The following SNX4 variants were observed in gnomAD, a reference collection of about 807,000 sequenced individuals.
SNX4 encodes sorting nexin-4.
A neutral mutation model predicts 70.8 loss-of-function variants in SNX4; 49 were observed. The ratio of observed to expected loss-of-function variants is 0.69; its 90% CI spans 0.55 to 0.88. The LOEUF (loss-of-function observed/expected upper bound fraction) is 0.88. Among genes scored for constraint, SNX4 ranks in the 40% least tolerant of loss-of-function variants. The pLI, the probability that SNX4 is intolerant of heterozygous loss-of-function variation, is 0.00. For synonymous variants in SNX4, 206 were observed against 183.8 expected, an observed-to-expected ratio of 1.12 and a Z score of -0.98; for missense variants, 528 against 544.8, an observed-to-expected ratio of 0.97 and a Z score of 0.31.
intron 1 of SNX4, among the ~76,000 whole-genome samples, chr3:125,507,844 C>T (rs1460655758): frequency 1.3e-5 from 2 of 151,922 alleles, no homozygotes; most frequent in East Asian, 1.9e-4. Context: ...ACCCAAGAGG[C>T]GGAGGTTGCA....
At chr3:125,482,439 T>A (rs1291775785) in intron 6 of SNX4, among the ~76,000 whole-genome samples, 2 of 152,100 alleles carry the variant, frequency 1.3e-5, no homozygotes, top group Non-Finnish European at 2.9e-5. Flanking sequence ...TTCTACCTCC[T>A]AAACATTGCC....
chr3:125,510,242 T>C (rs1935140925), intron 1 of SNX4, among the ~76,000 whole-genome samples: 1 of 152,010 alleles, frequency 6.6e-6, no homozygotes, highest in Non-Finnish European at 1.5e-5. Flanking sequence ...GGATTTTTTT[T>C]TTTTTTTTGA....
chr3:125,457,489 C>T, intron 10 of SNX4, 124 bp from the exon 11 acceptor site: 1 of 593,020 alleles, frequency 1.7e-6, no homozygotes, highest in Non-Finnish European at 3.0e-6. Context: ...CCAGAATTTT[C>T]AAGTTTAAAA....
At chr3:125,506,707 C>T (rs542312709) in intron 1 of SNX4, among the ~76,000 whole-genome samples, 1 of 151,096 alleles carries the variant, frequency 6.6e-6, no homozygotes, top group South Asian at 2.1e-4. Context: ...CTGCCTCAGC[C>T]TTCCAAGCTG....
At chr3:125,458,831 A>G (rs1364500350) in intron 10 of SNX4, among the ~76,000 whole-genome samples, 2 of 133,054 alleles carry the variant, frequency 1.5e-5, no homozygotes, top group East Asian at 4.1e-4. Flanking sequence ...AAAAAAAAAA[A>G]AAAAAAAAAA....
chr3:125,500,207 T>C (rs1335144004), intron 2 of SNX4, among the ~76,000 whole-genome samples: 1 of 152,186 alleles, frequency 6.6e-6, no homozygotes, highest in Non-Finnish European at 1.5e-5. Context: ...TATTCAATAG[T>C]ACCTAAATGG....
intron 6 of SNX4, among the ~76,000 whole-genome samples, chr3:125,481,441 T>C (rs1037610821): frequency 6.3e-4 from 93 of 148,364 alleles, no homozygotes; most frequent in African/African-American, 2.2e-3. Context: ...AAAAAATTCC[T>C]GAAATCTTTT....
At chr3:125,475,654 C>T (rs1934274263) in intron 8 of SNX4, among the ~76,000 whole-genome samples, 3 of 152,184 alleles carry the variant, frequency 2.0e-5, no homozygotes, top group Admixed American at 2.0e-4. Flanking sequence ...CATGAGCCAC[C>T]ACGCCTGGCT....
intron 2 of SNX4, among the ~76,000 whole-genome samples, chr3:125,502,373 TTCTC>T (rs1934947673): frequency 2.0e-5 from 3 of 152,000 alleles, no homozygotes; most frequent in African/African-American, 7.2e-5. Flanking sequence ...GAAGATTCTT[TTCTC>T]TCTTTTTCTT....
At chr3:125,519,805 C>T (rs901298126) in intron 1 of SNX4, among the ~76,000 whole-genome samples, 1 of 152,116 alleles carries the variant, frequency 6.6e-6, no homozygotes, top group Non-Finnish European at 1.5e-5. Flanking sequence ...TTCCCTCAGT[C>T]ACCCGCAGCG....
chr3:125,486,318 T>C (rs1934529197), intron 6 of SNX4, among the ~76,000 whole-genome samples: 1 of 152,188 alleles, frequency 6.6e-6, no homozygotes, highest in African/African-American at 2.4e-5. Context: ...ACTGGTTTTC[T>C]TTTAAAAGAA....
At chr3:125,489,532 T>C in intron 5 of SNX4, 69 bp from the exon 6 acceptor site, 1 of 1,269,646 alleles carries the variant, frequency 7.9e-7, no homozygotes, top group Admixed American at 1.8e-5. Context: ...AATTTTACTT[T>C]CCCTTTAGAA....
rs550625007 is a variant in SNX4, at chr3:125,486,879, C to T, written c.653+2529G>A. ...CAGCCTGAGCAACACAGTGAGACTG[C>T]ATCTCAAAAATATATATATATGTGT... On this transcript the variant is annotated intron_variant, in intron 6 of 13. Transcript: ENST00000251775. Among the ~76,000 whole-genome samples, 4 of 152,148 alleles carry T rather than the reference C, an allele frequency of 2.6e-5. No homozygotes were observed. The East Asian group carries it at 7.7e-4, about 29-fold the overall frequency.
chr3:125,452,223 T>C (rs894411628), intron 12 of SNX4, among the ~76,000 whole-genome samples: 1 of 151,234 alleles, frequency 6.6e-6, no homozygotes, highest in East Asian at 2.0e-4. Context: ...GTCTCCAGAG[T>C]AGCTGGGATT....
intron 1 of SNX4, among the ~76,000 whole-genome samples, chr3:125,517,329 A>G (rs1169335070): frequency 6.6e-6 from 1 of 152,196 alleles, no homozygotes; most frequent in Non-Finnish European, 1.5e-5. Context: ...ATTGGAAGTA[A>G]TTTTGGGAAT....
chr3:125,519,978 G>GCCCC, intron 1 of SNX4, 54 bp downstream of exon 1: 17 of 502,818 alleles, frequency 3.4e-5, no homozygotes, highest in Non-Finnish European at 4.9e-5. Context: ...AGCCCAGCCC[G>GCCCC]GCCCGCTAGG....
In SNX4 at chr3:125,453,922, T is replaced by C; in HGVS notation, c.1078A>G (p.Thr360Ala). The change falls in exon 12 of 14, where the codon ACC becomes GCC. Residue 360 changes from threonine (T) to alanine (A), a missense_variant. Around this residue, in one of 3 missense-constraint regions of SNX4, gnomAD observed 159 missense variants for 172.6 expected, o/e 0.92. Transcript: ENST00000251775. ...VRTFSLKGMT[T>A]KLFGQETPEQ... ...GGAGTTTCTTGACCAAAGAGCTTGG[T>C]AGTCATTCCCTTCAAAGAGAATGTT... 2 of 1,613,862 alleles carry C rather than the reference T, an allele frequency of 1.2e-6. No homozygotes were observed. The highest frequency in any genetic ancestry group is 1.1e-5 in the South Asian group (1 of 90,990).
chr3:125,451,061 T>C (rs571307727), intron 13 of SNX4, among the ~76,000 whole-genome samples: 10 of 152,104 alleles, frequency 6.6e-5, no homozygotes, highest in Middle Eastern at 3.4e-3. Context: ...AGGCCAGGAG[T>C]TCGAGACCAG....
rs56250407 is a variant in SNX4 at position 125,469,631 on chromosome 3, C to T, written c.789-112G>A. On this transcript the variant is annotated intron_variant, in intron 8 of 13. Transcript: ENST00000251775. ...GCTAGCTTTAAAATAATGTATAGCA[C>T]CCGTATTTGGGTTTATTTTGTATAA... The T allele has an allele frequency of 2.6e-3, 1,865 of 720,956 alleles. 13 individuals carry two copies. The highest frequency in any genetic ancestry group is 0.019 in the African/African-American group (1,057 of 55,980). The allele number at this position is 720,956 out of a possible 1,614,324, so 44.7% of individuals were successfully genotyped here. A position where few individuals can be genotyped will look rare whatever the true frequency, so the allele number is the denominator to read the frequency against.
Sources: allele counts gnomAD v4.1 joint callset (sites outside exome capture counted in the v4.1 genomes callset), GRCh38; gene constraint gnomAD v4.1.1; regional missense constraint gnomAD v4.1.1; transcripts MANE v1.5; gene names NCBI Gene and HGNC (gene_info 2026-07-23, HGNC 2026-07-21).